LSM14A: variants seen among roughly 807,000 people sequenced by gnomAD.
The protein encoded by LSM14A is protein LSM14 homolog A.
Under a neutral mutation model 52.4 loss-of-function variants are expected in LSM14A, and 14 were observed. The ratio of observed to expected loss-of-function variants is 0.27; its 90% CI spans 0.18 to 0.42. The LOEUF is 0.42. LSM14A is among the 10% of genes least tolerant of loss of function. The pLI, the probability that LSM14A is intolerant of heterozygous loss-of-function variation, is 1.00. For synonymous variants in LSM14A, 185 were observed against 200.3 expected, an observed-to-expected ratio of 0.92 and a Z score of 0.64; for missense variants, 417 against 581.8, an observed-to-expected ratio of 0.72 and a Z score of 2.91.
chr19:34,187,249 A>C lies in LSM14A; in HGVS notation c.122-7229A>C, dbSNP rs112921616. On this transcript the variant is annotated intron_variant, in intron 1 of 9. Transcript: ENST00000544216. ...AAGCAACAGACCAAGACTCGGTCTC[A>C]AAAAAAAAAAAAAAGTTCAGGCTTT... is the stretch of plus-strand genomic sequence containing the variant. Among the ~76,000 whole-genome samples the C allele has an allele frequency of 1.2e-3, 163 of 135,794 alleles. 3 individuals are homozygous for C. The highest frequency in any genetic ancestry group is 3.1e-3 in the Admixed American group (43 of 13,786). 89.1% of individuals were successfully genotyped at this position (135,794 alleles called of 152,430 possible). A position where few individuals can be genotyped will look rare whatever the true frequency, so the allele number is the denominator to read the frequency against.
intron 1 of LSM14A, among the ~76,000 whole-genome samples, chr19:34,183,412 G>A (rs140312594): frequency 1.3e-5 from 2 of 152,054 alleles, no homozygotes; most frequent in South Asian, 2.1e-4. Context: ...TTAGCCAGTC[G>A]TGGTGTTGTG....
rs1190226178 is a variant in LSM14A at position 34,221,657 on chromosome 19, T to G, written c.1287T>G (p.Gly429=). 9 of 1,614,102 alleles carry G rather than the reference T, an allele frequency of 5.6e-6. No homozygotes were observed. The highest frequency in any genetic ancestry group is 2.2e-5 in the South Asian group (2 of 91,070). ...GGRGRGGGRG[G]TFTAPRGFRG... Reference sequence around the variant, plus strand: ...GAGGGCGTGGTGGTGGCAGAGGTGGTACCTTCACTGCCCCTCGAGGATTTC... The same window carrying G: ...GAGGGCGTGGTGGTGGCAGAGGTGGGACCTTCACTGCCCCTCGAGGATTTC... Residue 429 remains glycine (G), a synonymous_variant, in exon 9 of 10, where the codon GGT becomes GGG. Transcript: ENST00000544216.
In LSM14A at chr19:34,172,533, T is replaced by G; in HGVS notation, c.-110T>G. 1 of 1,286,540 alleles carries G rather than the reference T, an allele frequency of 7.8e-7. No homozygotes were observed. The highest frequency in any genetic ancestry group is 1.0e-6 in the Non-Finnish European group (1 of 991,872). 79.7% of individuals were successfully genotyped at this position (1,286,540 alleles called of 1,614,324 possible). A position where few individuals can be genotyped will look rare whatever the true frequency, so the allele number is the denominator to read the frequency against. On this transcript the variant is annotated 5_prime_UTR_variant, in exon 1 of 10. Transcript: ENST00000544216. ...GAGCCGGCGCCGCCGCCATGTTGGG[T>G]CTGAAGCGGCTGCTGTAGGCGCCGA... is the stretch of plus-strand genomic sequence containing the variant.
At chr19:34,206,905 A>G (rs1265415803) in intron 3 of LSM14A, among the ~76,000 whole-genome samples, 1 of 152,230 alleles carries the variant, frequency 6.6e-6, no homozygotes, top group Non-Finnish European at 1.5e-5. Flanking sequence ...GCGAAGCTGC[A>G]ACATTTGAAA....
chr19:34,192,631 GCAAAAAAAAAAAAA>G (rs1455894705), intron 1 of LSM14A, among the ~76,000 whole-genome samples: 1 of 34,004 alleles, frequency 2.9e-5, no homozygotes, highest in African/African-American at 1.3e-4. Context: ...CATCAGTTCT[GCAAAAAAAAAAAAA>G]AAAAAAAAAA....
chr19:34,216,002 A>G (rs1197905431), intron 6 of LSM14A, among the ~76,000 whole-genome samples: 1 of 152,220 alleles, frequency 6.6e-6, no homozygotes, highest in African/African-American at 2.4e-5. Flanking sequence ...CCATAATTAT[A>G]TAAGATGTGA....
At chr19:34,177,462 T>C (rs1035602110) in intron 1 of LSM14A, among the ~76,000 whole-genome samples, 2 of 152,244 alleles carry the variant, frequency 1.3e-5, no homozygotes, top group African/African-American at 4.8e-5. Context: ...AATTTAAATA[T>C]ATCTGGAACT....
chr19:34,223,738 AT>A (rs1407239318), intron 9 of LSM14A, among the ~76,000 whole-genome samples: 3 of 152,226 alleles, frequency 2.0e-5, no homozygotes, highest in Non-Finnish European at 4.4e-5. Context: ...TGAAGACCAC[AT>A]TGAGTCAGCT....
chr19:34,206,689 A>G (rs2071727167), intron 3 of LSM14A, among the ~76,000 whole-genome samples: 1 of 152,192 alleles, frequency 6.6e-6, no homozygotes, highest in Non-Finnish European at 1.5e-5. Context: ...GAAAAAAAGA[A>G]AATTCAGAGA....
intron 6 of LSM14A, 116 bp from the exon 7 acceptor site, chr19:34,219,275 G>T (rs1271945562): frequency 8.9e-6 from 5 of 564,410 alleles, no homozygotes; most frequent in Middle Eastern, 7.8e-4. Flanking sequence ...TATATAGAGA[G>T]ACCTGTAAGC....
At position 34,175,499 on chromosome 19, in the gene LSM14A, C is replaced by T. The variant is rs538608407; in HGVS notation, c.121+2736C>T. Among the ~76,000 whole-genome samples the T allele has an allele frequency of 3.9e-5, 6 of 152,096 alleles. No homozygotes were observed. The South Asian group carries it at 6.2e-4, about 16-fold the overall frequency. On this transcript the variant is annotated intron_variant, in intron 1 of 9. Transcript: ENST00000544216. ...CACCTGCCTCAGCCTCCCAGAATGC[C>T]GGGATTACAGGCATGAGCCACCGCA... is the stretch of plus-strand genomic sequence containing the variant.
rs144101493 is a variant in LSM14A at position 34,188,848 on chromosome 19, A to G, written c.122-5630A>G. 3.3e-5 allele frequency among the ~76,000 whole-genome samples: 5 copies of G among 151,242 alleles called. No homozygotes were observed. The East Asian group carries it at 9.7e-4, about 29-fold the overall frequency. ...ATTTTTAAATATATATATCATATAT[A>G]TAAGATATATAGAGATCATAATTTG... On this transcript the variant is annotated intron_variant, in intron 1 of 9. Transcript: ENST00000544216.
intron 4 of LSM14A, among the ~76,000 whole-genome samples, chr19:34,213,361 A>G (rs1476247863): frequency 6.6e-6 from 1 of 152,158 alleles, no homozygotes; most frequent in African/African-American, 2.4e-5. Flanking sequence ...TATTTGGCTA[A>G]CTTTGCCATT....
intron 1 of LSM14A, among the ~76,000 whole-genome samples, chr19:34,178,223 G>A (rs1381869880): frequency 1.3e-5 from 2 of 151,764 alleles, no homozygotes; most frequent in Non-Finnish European, 2.9e-5. Context: ...ATGTTTCAGT[G>A]TGGATAAGTT....
intron 6 of LSM14A, among the ~76,000 whole-genome samples, chr19:34,217,765 G>A (rs2145853848): frequency 6.7e-6 from 1 of 149,524 alleles, no homozygotes; most frequent in South Asian, 2.1e-4. Context: ...GAGTAGCTGG[G>A]ACTACATATG....
intron 9 of LSM14A, among the ~76,000 whole-genome samples, chr19:34,222,983 C>T (rs1015956223): frequency 6.6e-6 from 1 of 152,170 alleles, no homozygotes; most frequent in African/African-American, 2.4e-5. Context: ...TTGACACTGA[C>T]CAACCACCCA....
chr19:34,215,464 G>A (rs1022619418), intron 5 of LSM14A, 132 bp from the exon 6 acceptor site: 2 of 1,090,362 alleles, frequency 1.8e-6, no homozygotes, highest in South Asian at 1.5e-5. Flanking sequence ...GTGGTGGTGT[G>A]GGTATAGTTT....
chr19:34,198,180 T>G (rs1326868991), intron 3 of LSM14A, among the ~76,000 whole-genome samples: 1 of 152,216 alleles, frequency 6.6e-6, no homozygotes. Context: ...AGGTGTATCT[T>G]GAAACTCATT....
chr19:34,207,918 T>C (rs770392571), intron 3 of LSM14A, among the ~76,000 whole-genome samples: 11 of 152,052 alleles, frequency 7.2e-5, no homozygotes, highest in African/African-American at 1.2e-4. Flanking sequence ...CTAAAGACCA[T>C]GTGAAGTGAG....
Sources: allele counts gnomAD v4.1 joint callset (sites outside exome capture counted in the v4.1 genomes callset), GRCh38; gene constraint gnomAD v4.1.1; transcripts MANE v1.5; gene names NCBI Gene and HGNC (gene_info 2026-07-23, HGNC 2026-07-21).